The following DLG1 variants were observed in gnomAD, a reference collection of about 807,000 sequenced individuals.
The protein encoded by DLG1 is discs large MAGUK scaffold protein 1.
In DLG1, 42 loss-of-function variants were observed where a neutral mutation model predicts 123.4. The observed-to-expected ratio is 0.34, with a 90% CI of 0.27 to 0.44. The LOEUF is 0.44. Among genes scored for constraint, DLG1 ranks in the 20% least tolerant of loss-of-function variants. The pLI, the probability that DLG1 is intolerant of heterozygous loss-of-function variation, is 1.00. For synonymous variants in DLG1, 317 were observed against 356.2 expected, an observed-to-expected ratio of 0.89 and a Z score of 1.24; for missense variants, 942 against 1,082.6, an observed-to-expected ratio of 0.87 and a Z score of 1.82.
intron 5 of DLG1, among the ~76,000 whole-genome samples, chr3:197,155,052 AAC>A (rs1478107808): frequency 2.6e-5 from 4 of 152,202 alleles, no homozygotes; most frequent in Non-Finnish European, 5.9e-5. Flanking sequence ...GATTTCATGA[AAC>A]ACATGAATAT....
rs1203382807 is a variant in DLG1, at chr3:197,044,288, T to G, written c.*335A>C. ...CATTTGTACTGAAATTTGAAAAGAA[T>G]GTATATAAAGCTTTTCCAAAAATCT... On this transcript the variant is annotated 3_prime_UTR_variant, in exon 25 of 25. Coordinates refer to ENST00000667157, the MANE Select transcript of DLG1 (RefSeq NM_001366207.1). 1 of 178,584 alleles carries G rather than the reference T, an allele frequency of 5.6e-6. No individual in the cohort carries two copies. Among genetic ancestry groups the G allele is most frequent in the African/African-American group, 2.4e-5 (1 of 42,480 alleles). The allele number at this position is 178,584 out of a possible 1,614,324, so 11.1% of individuals were successfully genotyped here. A position where few individuals can be genotyped will look rare whatever the true frequency, so the allele number is the denominator to read the frequency against.
intron 4 of DLG1, among the ~76,000 whole-genome samples, chr3:197,241,966 A>C (rs1749119165): frequency 6.6e-6 from 1 of 152,188 alleles, no homozygotes. Context: ...TTTACTTATC[A>C]ATAATACTAC....
chr3:197,104,280 G>A (rs1338747590), intron 14 of DLG1, among the ~76,000 whole-genome samples: 1 of 152,054 alleles, frequency 6.6e-6, no homozygotes, highest in African/African-American at 2.4e-5. Context: ...GACATTAAAA[G>A]CTATGTCTTC....
At chr3:197,259,043 A>G (rs899254950) in intron 4 of DLG1, among the ~76,000 whole-genome samples, 2 of 152,204 alleles carry the variant, frequency 1.3e-5, no homozygotes, top group African/African-American at 4.8e-5. Flanking sequence ...AAGATGGAGC[A>G]GAGAGAGGAG....
At chr3:197,112,971 AGG>A (rs1483322330) in intron 13 of DLG1, among the ~76,000 whole-genome samples, 1 of 152,086 alleles carries the variant, frequency 6.6e-6, no homozygotes, top group Non-Finnish European at 1.5e-5. Flanking sequence ...TACCTACTCT[AGG>A]CCTGTGAACA....
chr3:197,205,949 T>C (rs925827197), intron 4 of DLG1, among the ~76,000 whole-genome samples: 1 of 152,218 alleles, frequency 6.6e-6, no homozygotes, highest in African/African-American at 2.4e-5. Context: ...TCGGATTCTG[T>C]TTTCCAATTC....
Position 197,138,396 on chromosome 3 carries a change from G to A in DLG1, c.714-5C>T. 2 of 1,334,946 alleles carry A rather than the reference G, an allele frequency of 1.5e-6. No individual in the cohort carries two copies. Among genetic ancestry groups the A allele is most frequent in the Non-Finnish European group, 1.9e-6 (2 of 1,026,674 alleles). 82.7% of individuals were successfully genotyped at this position (1,334,946 alleles called of 1,614,324 possible). A position where few individuals can be genotyped will look rare whatever the true frequency, so the allele number is the denominator to read the frequency against. On this transcript the variant is annotated splice_polypyrimidine_tract_variant and splice_region_variant and intron_variant, in intron 8 of 24. Transcript: ENST00000667157. ...CGTAATATACAGTCATTGACCCTGAGAAAACAATTAAATATTAAAAATAAA... is the reference window on the plus strand; with the variant it reads ...CGTAATATACAGTCATTGACCCTGAAAAAACAATTAAATATTAAAAATAAA...
intron 5 of DLG1, among the ~76,000 whole-genome samples, chr3:197,159,324 CATGAAAGACTAT>C (rs1462296214): frequency 3.9e-5 from 6 of 152,148 alleles, no homozygotes; most frequent in African/African-American, 1.4e-4. Flanking sequence ...TTCTACAAAT[CATGAAAGACTAT>C]ATACTTTTTA....
At chr3:197,236,943 T>C (rs1746282597) in intron 4 of DLG1, among the ~76,000 whole-genome samples, 2 of 152,192 alleles carry the variant, frequency 1.3e-5, no homozygotes, top group Admixed American at 1.3e-4. Context: ...GGTTATTTAA[T>C]TTACATACTG....
At chr3:197,267,885 A>G (rs1321900684) in intron 4 of DLG1, among the ~76,000 whole-genome samples, 1 of 152,148 alleles carries the variant, frequency 6.6e-6, no homozygotes, top group Admixed American at 6.5e-5. Context: ...GAACATATTT[A>G]CAGGATAAAA....
At chr3:197,162,956 A>G (rs533383438) in intron 5 of DLG1, among the ~76,000 whole-genome samples, 4 of 152,318 alleles carry the variant, frequency 2.6e-5, no homozygotes, top group South Asian at 2.1e-4. Context: ...CATACACCTG[A>G]TAAGGGTTTA....
chr3:197,132,395 T>G (rs1783116729), intron 10 of DLG1, among the ~76,000 whole-genome samples: 1 of 152,214 alleles, frequency 6.6e-6, no homozygotes, highest in South Asian at 2.1e-4. Context: ...TTTTCCTAAT[T>G]TGTACCTTTA....
Position 197,194,594 on chromosome 3 carries a change from A to G in DLG1, c.319-5T>C, listed in dbSNP as rs367979676. On this transcript the variant is annotated splice_region_variant and splice_polypyrimidine_tract_variant and intron_variant, in intron 4 of 24. Transcript: ENST00000667157. ...TTCATCCTGATACCTGTATTTCTGT[A>G]AAGAAAATAAACATGAAGAAGCCCT... is the stretch of plus-strand genomic sequence containing the variant. The G allele has an allele frequency of 1.1e-5, 17 of 1,574,062 alleles. No homozygotes were observed. The highest frequency in any genetic ancestry group is 1.5e-5 in the Non-Finnish European group (17 of 1,167,076).
intron 13 of DLG1, among the ~76,000 whole-genome samples, chr3:197,105,632 G>A (rs977905829): frequency 2.6e-5 from 4 of 152,028 alleles, no homozygotes; most frequent in African/African-American, 7.3e-5. Flanking sequence ...TCTACCAGTA[G>A]GTACAATCCT....
intron 23 of DLG1, among the ~76,000 whole-genome samples, chr3:197,052,036 T>C (rs1026797083): frequency 1.3e-5 from 2 of 152,012 alleles, no homozygotes; most frequent in African/African-American, 4.8e-5. Context: ...AGATGGGGTT[T>C]CACCAAGTTG....
In DLG1 at chr3:197,043,530, CAA is replaced by C. The variant is rs1560258232; in HGVS notation, c.*1091_*1092del. 6.6e-6 allele frequency: 1 copy of C among 151,738 alleles called. No individual in the cohort carries two copies. Among genetic ancestry groups the C allele is most frequent in the Admixed American group, 6.6e-5 (1 of 15,242 alleles). 9.4% of individuals were successfully genotyped at this position (151,738 alleles called of 1,614,324 possible). On this transcript the variant is annotated 3_prime_UTR_variant, in exon 25 of 25. Coordinates refer to ENST00000667157, the MANE Select transcript of DLG1 (RefSeq NM_001366207.1). ...ATTAATATTTAATTTAAAAACCAAA[CAA>C]AAAGTTAGGAGTAGGTGGCAAAAGA...
chr3:197,135,967 A>G (rs1784876411), intron 10 of DLG1, among the ~76,000 whole-genome samples: 1 of 151,920 alleles, frequency 6.6e-6, no homozygotes, highest in African/African-American at 2.4e-5. Context: ...GTATATCACC[A>G]GGTCTGGTTA....
rs1339525996 is a variant in DLG1, at chr3:197,055,041, C to G, written c.2484-3373G>C. ...TGTTGCCCAGGCTGGTCTCGAACTA[C>G]CGAACTCAGGTGTTCTGCCTGCCTC... On this transcript the variant is annotated intron_variant, in intron 23 of 24. Coordinates refer to ENST00000667157, the MANE Select transcript of DLG1 (RefSeq NM_001366207.1). Among the ~76,000 whole-genome samples the G allele has an allele frequency of 2.0e-5, 3 of 152,174 alleles. No homozygotes were observed. The East Asian group carries it at 5.8e-4, about 29-fold the overall frequency.
intron 4 of DLG1, among the ~76,000 whole-genome samples, chr3:197,278,670 GAACA>G (rs907942188): frequency 7.9e-5 from 12 of 150,958 alleles, no homozygotes; most frequent in Non-Finnish European, 1.2e-4. Context: ...AGAAGAAATA[GAACA>G]AACAAAGTTA....
Sources: allele counts gnomAD v4.1 joint callset (sites outside exome capture counted in the v4.1 genomes callset), GRCh38; gene constraint gnomAD v4.1.1; transcripts MANE v1.5; gene names NCBI Gene and HGNC (gene_info 2026-07-23, HGNC 2026-07-21).